The following IDO2 variants were observed in gnomAD, a reference collection of about 807,000 sequenced individuals.
The protein encoded by IDO2 is indoleamine 2,3-dioxygenase 2.
Under a neutral mutation model 45.1 loss-of-function variants are expected in IDO2, and 46 were observed. That is an observed-to-expected ratio of 1.02 (90% CI 0.80 to 1.30). The LOEUF is 1.30. Ranked by LOEUF, IDO2 falls within the 50% of genes most tolerant of loss-of-function variation. IDO2 has a pLI of 0.00. For missense variants in IDO2, 544 were observed against 491.8 expected (o/e 1.11, Z -1.00); for synonymous variants, 218 against 184.9 (o/e 1.18, Z -1.45).
At chr8:39,969,460 C>G (rs1474724460) in intron 3 of IDO2, among the ~76,000 whole-genome samples, 1 of 152,134 alleles carries the variant, frequency 6.6e-6, no homozygotes, top group Non-Finnish European at 1.5e-5. Flanking sequence ...CATCTCTCTC[C>G]CCCTCCTCAG....
At chr8:39,978,315 T>C (rs985346192) in intron 3 of IDO2, among the ~76,000 whole-genome samples, 4 of 152,028 alleles carry the variant, frequency 2.6e-5, no homozygotes, top group African/African-American at 9.7e-5. Flanking sequence ...GATCAGTCTG[T>C]GTCTAGAGCT....
intron 10 of IDO2, among the ~76,000 whole-genome samples, chr8:40,014,733 C>G (rs1253598510): frequency 6.6e-6 from 1 of 152,210 alleles, no homozygotes; most frequent in African/African-American, 2.4e-5. Context: ...TTTGTTTCCT[C>G]TTCTCCATCT....
intron 3 of IDO2, among the ~76,000 whole-genome samples, chr8:39,967,778 G>A (rs573401114): frequency 6.7e-4 from 102 of 152,280 alleles, no homozygotes; most frequent in African/African-American, 2.3e-3. Context: ...GTGAGCCACC[G>A]TGCTGGCCTA....
intron 8 of IDO2, among the ~76,000 whole-genome samples, chr8:40,005,124 T>C (rs1213717616): frequency 1.3e-5 from 2 of 152,162 alleles, no homozygotes; most frequent in South Asian, 4.1e-4. Flanking sequence ...GGGCAACATA[T>C]GGAATAGTTT....
intron 8 of IDO2, among the ~76,000 whole-genome samples, chr8:39,992,998 G>A (rs942789771): frequency 1.3e-5 from 2 of 151,958 alleles, no homozygotes; most frequent in East Asian, 1.9e-4. Flanking sequence ...GAACCAGCCC[G>A]GTCTATTTTC....
At chr8:39,990,500 A>G (rs72630546) in intron 8 of IDO2, among the ~76,000 whole-genome samples, 9,846 of 152,278 alleles carry the variant, frequency 0.065, 534 homozygotes, top group East Asian at 0.35. Flanking sequence ...CACCTTGCAC[A>G]AAGGCCATCA....
intron 1 of IDO2, among the ~76,000 whole-genome samples, chr8:39,936,317 T>A (rs1050683069): frequency 2.0e-5 from 3 of 152,158 alleles, no homozygotes; most frequent in African/African-American, 7.2e-5. Context: ...TTAATTCAAG[T>A]CATTGCAAAA....
At chr8:39,939,724 T>C (rs1483524586) in intron 1 of IDO2, among the ~76,000 whole-genome samples, 2 of 145,286 alleles carry the variant, frequency 1.4e-5, no homozygotes, top group Non-Finnish European at 3.0e-5. Flanking sequence ...TAGGCTGCAA[T>C]GCCAGATGCC....
intron 8 of IDO2, among the ~76,000 whole-genome samples, chr8:40,003,521 A>G (rs1802172417): frequency 2.0e-5 from 3 of 151,964 alleles, no homozygotes; most frequent in Admixed American, 1.3e-4. Context: ...GTGTCTGTCT[A>G]TTTACCTGCC....
rs1291289704 is a variant in IDO2, at chr8:39,962,838, G to A, written c.100-770G>A. On this transcript the variant is annotated intron_variant, in intron 2 of 10. Coordinates refer to ENST00000502986, the Ensembl canonical transcript of IDO2. ...GTATCAGAAAAGGCAACATTTGATT[G>A]GTTAAAAGGCATTATTCACCCAAGC... Among the ~76,000 whole-genome samples the A allele has an allele frequency of 3.9e-5, 6 of 152,178 alleles. No homozygotes were observed. The South Asian group carries it at 8.3e-4, about 21-fold the overall frequency.
chr8:39,970,002 AG>A (rs1490958941), intron 3 of IDO2, among the ~76,000 whole-genome samples: 2 of 152,226 alleles, frequency 1.3e-5, no homozygotes, highest in African/African-American at 4.8e-5. Context: ...GCAAAGGAAA[AG>A]CTTTTGAAGA....
At chr8:39,971,108 G>C (rs1427328476) in intron 3 of IDO2, among the ~76,000 whole-genome samples, 2 of 152,166 alleles carry the variant, frequency 1.3e-5, no homozygotes, top group Non-Finnish European at 2.9e-5. Context: ...AGCTTGAAAG[G>C]ACAGGCTGAC....
At chr8:40,008,539 C>T (rs973178701) in intron 9 of IDO2, among the ~76,000 whole-genome samples, 1 of 152,102 alleles carries the variant, frequency 6.6e-6, no homozygotes, top group Non-Finnish European at 1.5e-5. Flanking sequence ...TCCCCTTTGC[C>T]ATAATATATC....
At position 39,980,635 on chromosome 8, in the gene IDO2, G is replaced by A. The variant is rs149071324; in HGVS notation, c.315+1449G>A. On this transcript the variant is annotated intron_variant, in intron 4 of 10. Transcript: ENST00000502986. ...GTGAAGAGAACAGCCTGTGCCCATC[G>A]TGTTTGCCTGATTGATCCTACCTCT... Among the ~76,000 whole-genome samples, 388 of 152,260 alleles carry A rather than the reference G, an allele frequency of 2.5e-3. 3 individuals carry two copies. Among genetic ancestry groups the A allele is most frequent in the African/African-American group, 9.0e-3 (373 of 41,550 alleles).
chr8:40,003,544 A>G (rs1050720101), intron 8 of IDO2, among the ~76,000 whole-genome samples: 24 of 151,988 alleles, frequency 1.6e-4, no homozygotes, highest in African/African-American at 5.8e-4. Context: ...TTACCTGTTC[A>G]TTTCCAGTTT....
At chr8:39,991,433 A>T (rs1295777708) in intron 8 of IDO2, among the ~76,000 whole-genome samples, 1 of 152,188 alleles carries the variant, frequency 6.6e-6, no homozygotes, top group East Asian at 1.9e-4. Context: ...GATCACATGG[A>T]TGAGCAAAAG....
At chr8:39,992,914 C>T (rs186184839) in intron 8 of IDO2, among the ~76,000 whole-genome samples, 62 of 152,260 alleles carry the variant, frequency 4.1e-4, no homozygotes, top group African/African-American at 1.3e-3. Flanking sequence ...AGCCACCCTC[C>T]TGGTACCTGA....
intron 3 of IDO2, among the ~76,000 whole-genome samples, chr8:39,971,375 G>T (rs1808177017): frequency 6.6e-6 from 1 of 152,080 alleles, no homozygotes; most frequent in Non-Finnish European, 1.5e-5. Flanking sequence ...AATGCCTCTG[G>T]TCACCCAAGA....
intron 2 of IDO2, among the ~76,000 whole-genome samples, chr8:39,956,981 T>G (rs1160919974): frequency 7.7e-6 from 1 of 129,512 alleles, no homozygotes; most frequent in Non-Finnish European, 1.6e-5. Context: ...TGGTGGAGGT[T>G]GCAGTGAACC....
Sources: gnomAD v4.1 joint callset for allele counts (sites outside exome capture counted in the v4.1 genomes callset) on GRCh38, gnomAD v4.1.1 for gene constraint, MANE v1.5 for transcripts, NCBI Gene and HGNC (gene_info 2026-07-23, HGNC 2026-07-21) for gene names.